Variants in RIF1 observed in about 807,000 individuals in gnomAD.
The protein encoded by RIF1 is telomere-associated protein RIF1.
In RIF1, 45 loss-of-function variants were observed where a neutral mutation model predicts 247.1. The observed-to-expected ratio is 0.18, with a 90% CI of 0.14 to 0.23. The LOEUF is 0.23. RIF1 is among the 10% of genes least tolerant of loss of function. The probability of loss-of-function intolerance (pLI) is 1.00; values close to 1 mark genes in which losing one functional copy is unlikely to be tolerated. For synonymous variants in RIF1, 1,087 were observed against 978.8 expected, an observed-to-expected ratio of 1.11 and a Z score of -2.06; for missense variants, 2,967 against 2,862.5, an observed-to-expected ratio of 1.04 and a Z score of -0.83.
At chr2:151,433,033 T>G in intron 9 of RIF1, 44 bp from the exon 10 acceptor site, 1 of 1,498,324 alleles carries the variant, frequency 6.7e-7, no homozygotes, top group Non-Finnish European at 9.2e-7. Flanking sequence ...GAGTTAATCT[T>G]TAGCTTGGAC....
the RIF1 span, chr2:151,525,971 T>G: frequency 6.2e-7 from 1 of 1,613,690 alleles, no homozygotes; most frequent in East Asian, 2.2e-5. Context: ...ACTGACATGC[T>G]TGGTCACTTC....
At chr2:151,520,411 A>G in the RIF1 span, among the ~76,000 whole-genome samples, 1 of 152,228 alleles carries the variant, frequency 6.6e-6, no homozygotes, top group Non-Finnish European at 1.5e-5. Flanking sequence ...ATAAGATTAA[A>G]TATACTTTTA....
At chr2:151,531,754 C>T in the RIF1 span, 4 of 1,476,524 alleles carry the variant, frequency 2.7e-6, no homozygotes, top group Non-Finnish European at 2.8e-6. Flanking sequence ...CAGATGCCCC[C>T]TGAGTTTGAG....
rs1362648469 is a variant in RIF1 at position 151,464,066 on chromosome 2, G to C, written c.4546G>C (p.Asp1516His). 2 of 1,613,156 alleles carry C rather than the reference G, an allele frequency of 1.2e-6. No individual in the cohort carries two copies. The highest frequency in any genetic ancestry group is 2.2e-5 in the East Asian group (1 of 44,882). The change falls in exon 30 of 36, where the codon GAT (aspartate) becomes CAT (histidine). Residue 1516 changes from aspartate (D) to histidine (H), a missense_variant. This residue lies in a region of RIF1 where 2,028 missense variants were observed against 1,825.6 expected (regional missense o/e 1.11). Transcript: ENST00000444746. ...ADPENIKSEG[D>H]GTQDIVDKSS... is the part of the protein sequence containing the mutation. ...CCCTGAGAACATTAAGTCTGAGGGG[G>C]ATGGTACCCAGGACATTGTAGATAA...
At chr2:151,413,488 AT>A (rs2152085323) in intron 3 of RIF1, among the ~76,000 whole-genome samples, 1 of 152,338 alleles carries the variant, frequency 6.6e-6, no homozygotes, top group South Asian at 2.1e-4. Flanking sequence ...AAAATAGAAC[AT>A]GTTTATATGT....
intron 8 of RIF1, among the ~76,000 whole-genome samples, chr2:151,428,468 G>A (rs1689499234): frequency 6.6e-6 from 1 of 151,760 alleles, no homozygotes; most frequent in Non-Finnish European, 1.5e-5. Flanking sequence ...ATAAAGTTTG[G>A]GATTTATCTG....
chr2:151,465,180 C>A lies in RIF1; in HGVS notation c.5660C>A (p.Thr1887Asn). The A allele has an allele frequency of 1.2e-6, 2 of 1,613,006 alleles. No individual in the cohort carries two copies. Among genetic ancestry groups the A allele is most frequent in the Admixed American group, 1.7e-5 (1 of 59,780 alleles). The change falls in exon 30 of 36, where the codon ACC becomes AAC. Residue 1887 changes from threonine to asparagine, a missense_variant. Thr to Asn is a moderately conservative substitution (Grantham distance 65). This residue lies in a region of RIF1 where 2,028 missense variants were observed against 1,825.6 expected (regional missense o/e 1.11). Coordinates refer to ENST00000444746, the MANE Select transcript of RIF1 (RefSeq NM_018151.5). ...ACAAAAGAAGAAAAACCAGAAGAAA[C>A]CCCAAAAATGGAACTGAGTCTAGAG... ...LETKEEKPEE[T>N]PKMELSLENV...
chr2:151,514,472 G>T, the RIF1 span: 4 of 1,394,618 alleles, frequency 2.9e-6, no homozygotes, highest in Non-Finnish European at 4.1e-6. Flanking sequence ...AGAAAGCCCA[G>T]ATTGATTCTC....
chr2:151,471,700 G>T (rs1041850877), intron 34 of RIF1, among the ~76,000 whole-genome samples: 2 of 152,134 alleles, frequency 1.3e-5, no homozygotes, highest in Admixed American at 1.3e-4. Flanking sequence ...TATTATTTCT[G>T]AGGGCTCTGT....
rs1486801712 is a variant in RIF1, at chr2:151,463,968, G to A, written c.4448G>A (p.Ser1483Asn). 1.2e-6 allele frequency: 2 copies of A among 1,608,838 alleles called. No homozygotes were observed. The highest frequency in any genetic ancestry group is 1.3e-5 in the African/African-American group (1 of 74,466). ...CAGGAGAATTTAATTGAGAAAGGAA[G>A]TAATTTACATGAGAAGACTCTTGGG... ...TLQENLIEKG[S>N]NLHEKTLGET... Residue 1483 changes from serine to asparagine, a missense_variant, in exon 30 of 36, where the codon AGT becomes AAT. Transcript: ENST00000444746.
chr2:151,485,923 C>T (rs368346105), downstream of RIF1: 97 of 1,613,482 alleles, frequency 6.0e-5, no homozygotes, highest in Non-Finnish European at 7.5e-5. Context: ...ATACATGGCA[C>T]GGAAGATTTT....
chr2:151,519,072 G>C, the RIF1 span: 2 of 1,579,564 alleles, frequency 1.3e-6, no homozygotes, highest in Non-Finnish European at 1.7e-6. Context: ...TATTTAACCT[G>C]TGTGTTATGG....
Position 151,465,764 on chromosome 2 carries a change from G to T in RIF1, c.6244G>T (p.Ala2082Ser). ...GAGCACTGAAGAAGGAATCATTGAC[G>T]CTAATAAAACTGAAACAAATACTGA... ...EMSTEEGIID[A>S]NKTETNTEYS... is the part of the protein sequence containing the mutation. Residue 2082 changes from alanine to serine, a missense_variant, in exon 30 of 36, where the codon GCT becomes TCT. Around this residue, in one of 7 missense-constraint regions of RIF1, gnomAD observed 2,028 missense variants for 1,825.6 expected, o/e 1.11. Coordinates refer to ENST00000444746, the MANE Select transcript of RIF1 (RefSeq NM_018151.5). The T allele has an allele frequency of 6.2e-7, 1 of 1,613,074 alleles. No individual in the cohort carries two copies. The highest frequency in any genetic ancestry group is 1.3e-5 in the African/African-American group (1 of 74,984).
At chr2:151,525,948 G>A in the RIF1 span, 1 of 1,606,028 alleles carries the variant, frequency 6.2e-7, no homozygotes, top group South Asian at 1.1e-5. Flanking sequence ...ACCGGTGGTT[G>A]ATCACTTACA....
At chr2:151,496,157 T>TAA in intron 10 of RIF1, 1 of 1,185,346 alleles carries the variant, frequency 8.4e-7, no homozygotes, top group Non-Finnish European at 1.2e-6. Flanking sequence ...GTAAATTTGC[T>TAA]AAAGAAATTT....
At chr2:151,439,547 A>C (rs1691861836) in intron 14 of RIF1, among the ~76,000 whole-genome samples, 1 of 151,458 alleles carries the variant, frequency 6.6e-6, no homozygotes, top group South Asian at 2.1e-4. Context: ...GCCTGTAATC[A>C]ATCCCCAGCT....
At chr2:151,529,351 T>C in the RIF1 span, 1 of 1,295,112 alleles carries the variant, frequency 7.7e-7, no homozygotes, top group Non-Finnish European at 1.1e-6. Flanking sequence ...TTAATTTTTT[T>C]ATAGCAGCAT....
rs1693304229 is a variant in RIF1 at position 151,446,563 on chromosome 2, T to C, written c.2232T>C (p.Asp744=). 6.2e-7 allele frequency: 1 copy of C among 1,612,482 alleles called. No homozygotes were observed. The highest frequency in any genetic ancestry group is 8.5e-7 in the Non-Finnish European group (1 of 1,179,754). Residue 744 remains aspartate (D), a synonymous_variant, in exon 20 of 36, where the codon GAT becomes GAC. Transcript: ENST00000444746. The part of the protein sequence containing the change: ...LSSKIMSSLE[D]EGFSNLLFVD... ...CCAAGATAATGTCCAGTTTGGAAGA[T>C]GAAGGCTTTTCTGTGAGTTTGTCCT...
intron 10 of RIF1, among the ~76,000 whole-genome samples, chr2:151,498,933 A>AGAT (rs1317003485): frequency 6.6e-6 from 1 of 152,116 alleles, no homozygotes; most frequent in Non-Finnish European, 1.5e-5. Flanking sequence ...ATAACAGTAG[A>AGAT]GATAGAAAAG....
Sources: gnomAD v4.1 joint callset for allele counts (sites outside exome capture counted in the v4.1 genomes callset) on GRCh38, gnomAD v4.1.1 for gene constraint, gnomAD v4.1.1 regional missense constraint, MANE v1.5 for transcripts, NCBI Gene and HGNC (gene_info 2026-07-23, HGNC 2026-07-21) for gene names.